OR52B4: variants seen among roughly 807,000 people sequenced by gnomAD.
OR52B4 encodes the protein olfactory receptor 52B4.
For synonymous variants in OR52B4, 182 were observed against 142.3 expected (o/e 1.28, Z -1.98); for missense variants, 450 against 387.0 (o/e 1.16, Z -1.36).
rs2094936703 is a variant in OR52B4 at position 4,367,899 on chromosome 11, T to C, written c.397A>G (p.Arg133Gly). 3 of 1,613,990 alleles carry C rather than the reference T, an allele frequency of 1.9e-6. No homozygotes were observed. The highest frequency in any genetic ancestry group is 2.5e-6 in the Non-Finnish European group (3 of 1,179,956). Residue 133 changes from arginine (R) to glycine (G), a missense_variant, in exon 1 of 1, where the codon AGG becomes GGG. Arg to Gly is a moderately radical substitution (Grantham distance 125). Transcript: ENST00000624801. ...DHYIAICYPL[R>G]YTTILTNALI... is the part of the protein sequence containing the mutation. ...GCATTTGTAAGAATGGTGGTGTACC[T>C]CAGTGGGTAGCATATGGCAATATAG...
In OR52B4 at chr11:4,368,142, G is replaced by T. The variant is rs2094937075; in HGVS notation, c.154C>A (p.Leu52Ile). ...LGNSLLIFII[L>I]TKRSLHEPMY... ...GGTTCATGGAGGCTGCGCTTTGTGA[G>T]GATAATGAAGATGAGCAGGCTGTTC... The change falls in exon 1 of 1, where the codon CTC becomes ATC. Residue 52 changes from leucine to isoleucine, a missense_variant. Transcript: ENST00000624801. 6.2e-7 allele frequency: 1 copy of T among 1,613,212 alleles called. No homozygotes were observed. Among genetic ancestry groups the T allele is most frequent in the Non-Finnish European group, 8.5e-7 (1 of 1,179,802 alleles).
rs1280170708 is a variant in OR52B4 at position 4,367,279 on chromosome 11, C to T, written c.*72G>A. ...TATTTCCTACGGTATCAGCTGACCT[C>T]TCCCATCTACCACTTTCATACCCAC... is the stretch of plus-strand genomic sequence containing the variant. On this transcript the variant is annotated 3_prime_UTR_variant, in exon 1 of 1. Transcript: ENST00000624801. The T allele has an allele frequency of 1.1e-6, 1 of 913,894 alleles. No homozygotes were observed. Among genetic ancestry groups the T allele is most frequent in the Admixed American group, 2.3e-5 (1 of 42,654 alleles). The allele number at this position is 913,894 out of a possible 1,614,324, so 56.6% of individuals were successfully genotyped here. A position where few individuals can be genotyped will look rare whatever the true frequency, so the allele number is the denominator to read the frequency against.
At position 4,367,454 on chromosome 11, in the gene OR52B4, A is replaced by G; in HGVS notation, c.842T>C (p.Val281Ala). The G allele has an allele frequency of 1.2e-6, 2 of 1,614,008 alleles. No individual in the cohort carries two copies. The highest frequency in any genetic ancestry group is 2.2e-5 in the South Asian group (2 of 91,084). ...PPCIHIPLAN[V>A]CILAPPMLNP... ...CAGCATAGGTGGAGCCAGAATGCAGACATTAGCCAACGGGATGTGGATACA... is the reference window on the plus strand; with the variant it reads ...CAGCATAGGTGGAGCCAGAATGCAGGCATTAGCCAACGGGATGTGGATACA... The change falls in exon 1 of 1, where the codon GTC (valine) becomes GCC (alanine). Residue 281 changes from valine (V) to alanine (A), a missense_variant. Transcript: ENST00000624801.
In OR52B4 at chr11:4,367,616, A is replaced by G; in HGVS notation, c.680T>C (p.Val227Ala). Residue 227 changes from valine to alanine, a missense_variant, in exon 1 of 1, where the codon GTC (valine) becomes GCC (alanine). Val to Ala is a moderately conservative substitution (Grantham distance 64). Transcript: ENST00000624801. ...FISYMLILHA[V>A]FHMPSPDACH... ...AGCATCTGGAGAAGGCATGTGGAAG[A>G]CAGCATGGAGAATCAGCATATAGGA... 6.2e-7 allele frequency: 1 copy of G among 1,614,090 alleles called. No individual in the cohort carries two copies. The highest frequency in any genetic ancestry group is 8.5e-7 in the Non-Finnish European group (1 of 1,179,988).
At position 4,367,639 on chromosome 11, in the gene OR52B4, G is replaced by A; in HGVS notation, c.657C>T (p.Ser219=). The A allele has an allele frequency of 6.2e-7, 1 of 1,613,978 alleles. No individual in the cohort carries two copies. Among genetic ancestry groups the A allele is most frequent in the Non-Finnish European group, 8.5e-7 (1 of 1,179,964 alleles). The change falls in exon 1 of 1, where the codon TCC becomes TCT. Residue 219 remains serine (S), a synonymous_variant. Transcript: ENST00000624801. The stretch of plus-strand genomic sequence containing the variant: ...AGACAGCATGGAGAATCAGCATATA[G>A]GAAATAAAAATTAGTACAACATCTA... The part of the protein sequence containing the change: ...VVLDVVLIFI[S]YMLILHAVFH...
chr11:4,368,044 T>A lies in OR52B4; in HGVS notation c.252A>T (p.Leu84Phe), dbSNP rs1232508294. 4 of 1,613,904 alleles carry A rather than the reference T, an allele frequency of 2.5e-6. No homozygotes were observed. In the South Asian group the frequency reaches 4.4e-5, roughly 18 times the overall value. ...CCCCAGCACGGAACCAGAAGATAGC[T>A]AAGGCCTGAGGAATGGTGCACGTGG... Reference protein sequence around the residue: ...VLSTCTIPQALAIFWFRAGDI... With the variant: ...VLSTCTIPQAFAIFWFRAGDI... Residue 84 changes from leucine to phenylalanine, a missense_variant, in exon 1 of 1, where the codon TTA becomes TTT. Leu to Phe is a conservative substitution (Grantham distance 22, BLOSUM62 0). Transcript: ENST00000624801.
At position 4,367,778 on chromosome 11, in the gene OR52B4, T is replaced by C. The variant is rs772097014; in HGVS notation, c.518A>G (p.Asn173Ser). 47 of 1,613,866 alleles carry C rather than the reference T, an allele frequency of 2.9e-5. No homozygotes were observed. The East Asian group carries it at 1.0e-3, about 34-fold the overall frequency. Residue 173 changes from asparagine (N) to serine (S), a missense_variant, in exon 1 of 1, where the codon AAT becomes AGT. Physicochemically the swap from Asn to Ser is conservative, Grantham distance 46. Coordinates refer to ENST00000624801, the MANE Select transcript of OR52B4 (RefSeq NM_001005161.3). ...FLLKRLTFCQ[N>S]NIIPHTFCEH... ...ACAAAAGGTGTGTGGAATAATATTA[T>C]TCTGGCAGAAAGTCAATCTTTTTAA...
chr11:4,367,550 A>ATGC lies in OR52B4; in HGVS notation c.743_745dup (p.Cys248_Ile249insSer), dbSNP rs1488323505. 6.2e-7 allele frequency: 1 copy of ATGC among 1,614,064 alleles called. No individual in the cohort carries two copies. Among genetic ancestry groups the ATGC allele is most frequent in the South Asian group, 1.1e-5 (1 of 91,080 alleles). ...GCCAGACCCATAAAAGAGGATGATG[A>ATGC]TGCAGACATGGGAGCCAAATGTGTT... On this transcript the variant is annotated inframe_insertion, in exon 1 of 1. Transcript: ENST00000624801.
In OR52B4 at chr11:4,367,713, G is replaced by A. The variant is rs757867926; in HGVS notation, c.583C>T (p.Arg195Ter). 1.6e-5 allele frequency: 26 copies of A among 1,613,452 alleles called. No individual in the cohort carries two copies. Among genetic ancestry groups the A allele is most frequent in the Middle Eastern group, 1.7e-4 (1 of 6,058 alleles). Reference protein sequence around the residue: ...GLAKYACNDIRINIWYGFSIL... With the variant: ...GLAKYACNDI ...GAAAACCCATACCAAATGTTTATTC[G>A]AATGTCATTACATGCATATTTGGCT... Residue 195 changes from arginine to a stop codon, truncating the protein, a stop_gained, in exon 1 of 1, where the codon CGA (arginine) becomes TGA (stop). Transcript: ENST00000624801. LOFTEE classifies it low-confidence loss of function (END_TRUNC).
Position 4,367,699 on chromosome 11 carries a change from C to G in OR52B4, c.597G>C (p.Trp199Cys), listed in dbSNP as rs567391276. ...YACNDIRINI[W>C]YGFSILMSTV... Reference sequence around the variant, plus strand: ...TCGACATTAGAATGGAAAACCCATACCAAATGTTTATTCGAATGTCATTAC... The same window carrying G: ...TCGACATTAGAATGGAAAACCCATAGCAAATGTTTATTCGAATGTCATTAC... Residue 199 changes from tryptophan (W) to cysteine (C), a missense_variant, in exon 1 of 1, where the codon TGG becomes TGC. By Grantham distance (215) the Trp-to-Cys change is radical. Coordinates refer to ENST00000624801, the MANE Select transcript of OR52B4 (RefSeq NM_001005161.3). 217 of 1,613,590 alleles carry G rather than the reference C, an allele frequency of 1.3e-4. No individual in the cohort carries two copies. The South Asian group carries it at 2.1e-3, about 16-fold the overall frequency.
At position 4,367,740 on chromosome 11, in the gene OR52B4, G is replaced by C; in HGVS notation, c.556C>G (p.Leu186Val). ...IPHTFCEHIG[L>V]AKYACNDIRI... is the part of the protein sequence containing the mutation. Reference sequence around the variant, plus strand: ...ATGTCATTACATGCATATTTGGCTAGGCCAATGTGTTCACAAAAGGTGTGT... The same window carrying C: ...ATGTCATTACATGCATATTTGGCTACGCCAATGTGTTCACAAAAGGTGTGT... The change falls in exon 1 of 1, where the codon CTA becomes GTA. Residue 186 changes from leucine (L) to valine (V), a missense_variant. By Grantham distance (32) the Leu-to-Val change is conservative (BLOSUM62 1). Coordinates refer to ENST00000624801, the MANE Select transcript of OR52B4 (RefSeq NM_001005161.3). 1 of 1,613,860 alleles carries C rather than the reference G, an allele frequency of 6.2e-7. No homozygotes were observed. Among genetic ancestry groups the C allele is most frequent in the East Asian group, 2.2e-5 (1 of 44,866 alleles).
Position 4,367,406 on chromosome 11 carries a change from T to A in OR52B4, c.890A>T (p.Lys297Ile), listed in dbSNP as rs562231536. 6.8e-6 allele frequency: 11 copies of A among 1,613,552 alleles called. No homozygotes were observed. The East Asian group carries it at 2.5e-4, about 36-fold the overall frequency. The change falls in exon 1 of 1, where the codon AAA becomes ATA. Residue 297 changes from lysine (K) to isoleucine (I), a missense_variant. By Grantham distance (102) the Lys-to-Ile change is moderately radical (BLOSUM62 -3). Transcript: ENST00000624801. ...PMLNPIIYGI[K>I]TKQIQEQVVQ... ...CACCTGTTCCTGGATTTGCTTGGTT[T>A]TGATCCCATAAATAATGGGATTCAG...
chr11:4,367,494 G>A lies in OR52B4; in HGVS notation c.802C>T (p.Arg268Cys), dbSNP rs766612100. 1.5e-5 allele frequency: 24 copies of A among 1,613,830 alleles called. No homozygotes were observed. The highest frequency in any genetic ancestry group is 6.7e-5 in the Admixed American group (4 of 59,986). The change falls in exon 1 of 1, where the codon CGC becomes TGC. Residue 268 changes from arginine to cysteine, a missense_variant. By Grantham distance (180) the Arg-to-Cys change is radical. Transcript: ENST00000624801. ...IFTILTQRFG[R>C]HIPPCIHIPL... The stretch of plus-strand genomic sequence containing the variant: ...ATGTGGATACAAGGTGGAATGTGGC[G>A]TCCAAACCTCTGGGTAAGGATTGTG...
In OR52B4 at chr11:4,367,950, T is replaced by C; in HGVS notation, c.346A>G (p.Ile116Val). Residue 116 changes from isoleucine (I) to valine (V), a missense_variant, in exon 1 of 1, where the codon ATC becomes GTC. Coordinates refer to ENST00000624801, the MANE Select transcript of OR52B4 (RefSeq NM_001005161.3). ...TGGTCAAAGGCCATCACCAGCAAGA[T>C]CCCTGACTCAGAGATGAAGGTGGAA... ...IHSTFISESG[I>V]LLVMAFDHYI... 4.3e-6 allele frequency: 7 copies of C among 1,613,886 alleles called. No homozygotes were observed. The highest frequency in any genetic ancestry group is 5.9e-6 in the Non-Finnish European group (7 of 1,179,944).
In OR52B4 at chr11:4,367,380, C is replaced by G. The variant is rs1370283185; in HGVS notation, c.916G>C (p.Val306Leu). The G allele has an allele frequency of 6.2e-7, 1 of 1,604,284 alleles. No individual in the cohort carries two copies. The highest frequency in any genetic ancestry group is 8.5e-7 in the Non-Finnish European group (1 of 1,173,348). ...IKTKQIQEQVVQFLFIKQK is the reference protein window; with the variant it reads ...IKTKQIQEQVLQFLFIKQK Reference sequence around the variant, plus strand: ...TTCTGTTTTATAAACAAAAACTGAACCACCTGTTCCTGGATTTGCTTGGTT... The same window carrying G: ...TTCTGTTTTATAAACAAAAACTGAAGCACCTGTTCCTGGATTTGCTTGGTT... The change falls in exon 1 of 1, where the codon GTT (valine) becomes CTT (leucine). Residue 306 changes from valine to leucine, a missense_variant. Physicochemically the swap from Val to Leu is conservative, Grantham distance 32 (BLOSUM62 1). Coordinates refer to ENST00000624801, the MANE Select transcript of OR52B4 (RefSeq NM_001005161.3).
Position 4,367,297 on chromosome 11 carries a change from A to C in OR52B4, c.*54T>G. ...CTGACCTCTCCCATCTACCACTTTCATACCCACTTACCAGATAGCTAGAGA... is the reference window on the plus strand; with the variant it reads ...CTGACCTCTCCCATCTACCACTTTCCTACCCACTTACCAGATAGCTAGAGA... On this transcript the variant is annotated 3_prime_UTR_variant, in exon 1 of 1. Coordinates refer to ENST00000624801, the MANE Select transcript of OR52B4 (RefSeq NM_001005161.3). The C allele has an allele frequency of 1.7e-6, 2 of 1,165,938 alleles. No individual in the cohort carries two copies. The highest frequency in any genetic ancestry group is 2.9e-5 in the South Asian group (2 of 70,046). 72.2% of individuals were successfully genotyped at this position (1,165,938 alleles called of 1,614,324 possible).
chr11:4,368,357 G>C lies in OR52B4; in HGVS notation c.-62C>G, dbSNP rs7929171. 0.45 allele frequency: 375,518 copies of C among 835,648 alleles called. 87,884 individuals are homozygous for C. The highest frequency in any genetic ancestry group is 0.49 in the Middle Eastern group (2,027 of 4,096). 51.8% of individuals were successfully genotyped at this position (835,648 alleles called of 1,614,324 possible). A position where few individuals can be genotyped will look rare whatever the true frequency, so the allele number is the denominator to read the frequency against. ...ACAGAGGTAGAAGAAGATAAAATCT[G>C]CAACATTCTTTGCGATGTCACCAGG... On this transcript the variant is annotated 5_prime_UTR_variant, in exon 1 of 1. Coordinates refer to ENST00000624801, the MANE Select transcript of OR52B4 (RefSeq NM_001005161.3).
In OR52B4 at chr11:4,368,050, C is replaced by T. The variant is rs2094936927; in HGVS notation, c.246G>A (p.Gln82=). The change falls in exon 1 of 1, where the codon CAG becomes CAA. Residue 82 remains glutamine (Q), a synonymous_variant. Coordinates refer to ENST00000624801, the MANE Select transcript of OR52B4 (RefSeq NM_001005161.3). ...CACGGAACCAGAAGATAGCTAAGGCCTGAGGAATGGTGCACGTGGAGAGGA... is the reference window on the plus strand; with the variant it reads ...CACGGAACCAGAAGATAGCTAAGGCTTGAGGAATGGTGCACGTGGAGAGGA... ...DIVLSTCTIP[Q]ALAIFWFRAG... 5 of 1,613,888 alleles carry T rather than the reference C, an allele frequency of 3.1e-6. No homozygotes were observed. Among genetic ancestry groups the T allele is most frequent in the Non-Finnish European group, 4.2e-6 (5 of 1,180,008 alleles).
In OR52B4 at chr11:4,367,525, G is replaced by A. The variant is rs1391429602; in HGVS notation, c.771C>T (p.Gly257=). 2.5e-6 allele frequency: 4 copies of A among 1,614,012 alleles called. No homozygotes were observed. The African/African-American group carries it at 4.0e-5, about 16-fold the overall frequency. Residue 257 remains glycine (G), a synonymous_variant, in exon 1 of 1, where the codon GGC becomes GGT. Coordinates refer to ENST00000624801, the MANE Select transcript of OR52B4 (RefSeq NM_001005161.3). Reference sequence around the variant, plus strand: ...ACCTCTGGGTAAGGATTGTGAAGATGCCAGACCCATAAAAGAGGATGATGA... The same window carrying A: ...ACCTCTGGGTAAGGATTGTGAAGATACCAGACCCATAAAAGAGGATGATGA... The part of the protein sequence containing the change: ...VCIIILFYGS[G]IFTILTQRFG...
Sources: gnomAD v4.1 joint callset for allele counts on GRCh38, gnomAD v4.1.1 for gene constraint, MANE v1.5 for transcripts, NCBI Gene and HGNC (gene_info 2026-07-23, HGNC 2026-07-21) for gene names.